Variants in TMEM209 observed in about 807,000 individuals in gnomAD.
TMEM209 encodes the protein transmembrane protein 209.
In TMEM209, 65 loss-of-function variants were observed where a neutral mutation model predicts 76.2. That is an observed-to-expected ratio of 0.85 (90% CI 0.70 to 1.05). The LOEUF is 1.05. TMEM209 is among the 50% of genes least tolerant of loss of function. The pLI is 0.00. For synonymous variants in TMEM209, 239 were observed against 237.6 expected (o/e 1.01, Z -0.06); for missense variants, 623 against 685.5 (o/e 0.91, Z 1.02).
intron 6 of TMEM209, among the ~76,000 whole-genome samples, chr7:130,187,024 C>T (rs1797622724): frequency 6.6e-6 from 1 of 152,168 alleles, no homozygotes; most frequent in Admixed American, 6.5e-5. Context: ...GGGCAGATCA[C>T]TTGAGGTCAG....
intron 5 of TMEM209, among the ~76,000 whole-genome samples, chr7:130,201,597 A>T (rs954834329): frequency 1.3e-5 from 2 of 152,218 alleles, no homozygotes; most frequent in African/African-American, 4.8e-5. Flanking sequence ...TCCTTGTTTC[A>T]ACTTGTTTTA....
At chr7:130,202,756 C>G (rs1798263818) in intron 3 of TMEM209, 93 bp from the exon 4 acceptor site, 2 of 1,305,902 alleles carry the variant, frequency 1.5e-6, no homozygotes, top group Non-Finnish European at 2.0e-6. Flanking sequence ...ACTAAAATTA[C>G]CTTCTTATTC....
intron 6 of TMEM209, among the ~76,000 whole-genome samples, chr7:130,189,483 C>T (rs1797720864): frequency 6.6e-6 from 1 of 152,148 alleles, no homozygotes; most frequent in African/African-American, 2.4e-5. Flanking sequence ...AAGCGTGAGC[C>T]ACTGAGCCCA....
At position 130,166,399 on chromosome 7, in the gene TMEM209, G is replaced by A. The variant is rs941042258; in HGVS notation, c.*52C>T. 13 of 1,456,348 alleles carry A rather than the reference G, an allele frequency of 8.9e-6. No homozygotes were observed. In the Admixed American group the frequency reaches 1.2e-4, roughly 13 times the overall value. The allele number at this position is 1,456,348 out of a possible 1,614,324, so 90.2% of individuals were successfully genotyped here. A position where few individuals can be genotyped will look rare whatever the true frequency, so the allele number is the denominator to read the frequency against. On this transcript the variant is annotated 3_prime_UTR_variant, in exon 15 of 15. Transcript: ENST00000397622. ...CAGTGGCTCAGAGATGTTTAGTTTC[G>A]ACTTCTGGTTCAGTGAAATAGTCTA... is the stretch of plus-strand genomic sequence containing the variant.
chr7:130,171,616 C>T (rs1257595876), intron 13 of TMEM209, among the ~76,000 whole-genome samples: 1 of 152,236 alleles, frequency 6.6e-6, no homozygotes, highest in East Asian at 1.9e-4. Flanking sequence ...ATTAACATCT[C>T]TTCCTGAGAA....
Position 130,205,366 on chromosome 7 carries a change from A to G in TMEM209, c.3+7T>C. 1 of 1,613,836 alleles carries G rather than the reference A, an allele frequency of 6.2e-7. No homozygotes were observed. The highest frequency in any genetic ancestry group is 8.5e-7 in the Non-Finnish European group (1 of 1,179,876). On this transcript the variant is annotated splice_region_variant and intron_variant, in intron 1 of 14. Transcript: ENST00000397622. ...CAGGAAGCACAAACACGACCCCGAA[A>G]ACGCACCATGTCCTCTGGCCGGAAA...
chr7:130,176,362 C>T (rs2116981716), intron 10 of TMEM209, among the ~76,000 whole-genome samples: 1 of 151,938 alleles, frequency 6.6e-6, no homozygotes, highest in South Asian at 2.1e-4. Context: ...ACCTTGTGAT[C>T]CATCTGCCTG....
intron 3 of TMEM209, among the ~76,000 whole-genome samples, 168 bp downstream of exon 3, chr7:130,203,620 C>T (rs1798300937): frequency 6.6e-6 from 1 of 152,194 alleles, no homozygotes; most frequent in African/African-American, 2.4e-5. Flanking sequence ...ATGTTCCTTT[C>T]ATAATAGCAG....
intron 9 of TMEM209, among the ~76,000 whole-genome samples, chr7:130,180,997 A>G (rs1484701178): frequency 6.6e-6 from 1 of 152,226 alleles, no homozygotes; most frequent in Non-Finnish European, 1.5e-5. Flanking sequence ...GTCCAATATA[A>G]ACACTTGTAC....
At chr7:130,182,740 T>C (rs771183411) in intron 8 of TMEM209, among the ~76,000 whole-genome samples, 1 of 152,172 alleles carries the variant, frequency 6.6e-6, no homozygotes, top group Non-Finnish European at 1.5e-5. Context: ...AATAAAAGGA[T>C]GAAAAAATGT....
chr7:130,185,157 T>C, intron 7 of TMEM209, 35 bp downstream of exon 7: 2 of 1,583,588 alleles, frequency 1.3e-6, no homozygotes, highest in Non-Finnish European at 1.7e-6. Flanking sequence ...AATGCATAAA[T>C]CATAAATATT....
At chr7:130,205,012 G>C in intron 1 of TMEM209, 2 of 1,198,074 alleles carry the variant, frequency 1.7e-6, no homozygotes, top group Non-Finnish European at 2.1e-6. Context: ...AGGGGAAAAC[G>C]TGCATTGTTT....
intron 7 of TMEM209, among the ~76,000 whole-genome samples, chr7:130,184,769 C>G (rs1008802172): frequency 1.3e-5 from 2 of 152,128 alleles, no homozygotes; most frequent in Admixed American, 1.3e-4. Context: ...GGATTACAGG[C>G]GTGAGCCACT....
At chr7:130,178,032 C>G (rs753341740) in intron 10 of TMEM209, among the ~76,000 whole-genome samples, 5 of 152,124 alleles carry the variant, frequency 3.3e-5, no homozygotes, top group Admixed American at 6.5e-5. Flanking sequence ...ATTCTCAAGT[C>G]AGTCTCCTCA....
At chr7:130,187,813 C>G (rs1414237921) in intron 6 of TMEM209, among the ~76,000 whole-genome samples, 1 of 152,046 alleles carries the variant, frequency 6.6e-6, no homozygotes, top group Non-Finnish European at 1.5e-5. Flanking sequence ...CCTAAGGCAC[C>G]TGACAGAGGC....
intron 6 of TMEM209, among the ~76,000 whole-genome samples, chr7:130,188,579 G>C (rs996710747): frequency 1.5e-5 from 2 of 129,666 alleles, no homozygotes; most frequent in African/African-American, 5.9e-5. Flanking sequence ...CGGGGTGACA[G>C]AGTGAGACTC....
intron 8 of TMEM209, chr7:130,181,940 C>T (rs1410160431): frequency 2.5e-6 from 1 of 395,712 alleles, no homozygotes; most frequent in South Asian, 2.9e-5. Flanking sequence ...AACTAACTTA[C>T]ATTCCTTTTT....
At chr7:130,189,141 T>C (rs1470683768) in intron 6 of TMEM209, among the ~76,000 whole-genome samples, 2 of 152,098 alleles carry the variant, frequency 1.3e-5, no homozygotes. Flanking sequence ...ACTGGGGAAA[T>C]GTGAATATGA....
intron 10 of TMEM209, among the ~76,000 whole-genome samples, chr7:130,175,841 TA>T (rs35333676): frequency 6.6e-6 from 1 of 152,032 alleles, no homozygotes; most frequent in African/African-American, 2.4e-5. Context: ...TTTGGCTTCT[TA>T]AAAAAAGAGT....
Sources: gnomAD v4.1 joint callset for allele counts (sites outside exome capture counted in the v4.1 genomes callset) on GRCh38, gnomAD v4.1.1 for gene constraint, MANE v1.5 for transcripts, NCBI Gene and HGNC (gene_info 2026-07-23, HGNC 2026-07-21) for gene names.